ZBTB34: variants seen among roughly 807,000 people sequenced by gnomAD.
ZBTB34 encodes zinc finger and BTB domain containing 34, also known as zinc finger and BTB domain-containing protein 34.
In ZBTB34, 1 loss-of-function variant was observed where a neutral mutation model predicts 33.4. The observed-to-expected ratio is 0.03, with a 90% CI of 0.01 to 0.14. The LOEUF (loss-of-function observed/expected upper bound fraction) is 0.14. Among genes scored for constraint, ZBTB34 ranks in the 10% least tolerant of loss-of-function variants. The pLI is 1.00. For missense variants in ZBTB34, 406 were observed against 657.2 expected (o/e 0.62, Z 4.18); for synonymous variants, 283 against 253.5 (o/e 1.12, Z -1.11).
At chr9:126,869,276 G>C (rs2033248182) in intron 1 of ZBTB34, among the ~76,000 whole-genome samples, 1 of 148,064 alleles carries the variant, frequency 6.8e-6, no homozygotes, top group Non-Finnish European at 1.5e-5. Flanking sequence ...CTAGGGATAA[G>C]GGGTTGTTGT....
At chr9:126,862,115 T>C (rs1017620646) in intron 1 of ZBTB34, among the ~76,000 whole-genome samples, 17 of 151,928 alleles carry the variant, frequency 1.1e-4, no homozygotes, top group African/African-American at 4.1e-4. Context: ...GGCCGAGTGG[T>C]TAGGGAGGGT....
intron 1 of ZBTB34, among the ~76,000 whole-genome samples, chr9:126,869,423 C>T (rs1447369542): frequency 1.3e-5 from 2 of 152,072 alleles, no homozygotes; most frequent in Non-Finnish European, 2.9e-5. Context: ...AGACATACTG[C>T]GTCCTAAGCC....
chr9:126,880,104 C>G lies in ZBTB34; in HGVS notation c.705C>G (p.Ile235Met), dbSNP rs746507308. The G allele has an allele frequency of 6.2e-7, 1 of 1,613,612 alleles. No individual in the cohort carries two copies. Among genetic ancestry groups the G allele is most frequent in the Non-Finnish European group, 8.5e-7 (1 of 1,179,908 alleles). The change falls in exon 2 of 2, where the codon ATC becomes ATG. Residue 235 changes from isoleucine to methionine, a missense_variant. By Grantham distance (10) the Ile-to-Met change is conservative (BLOSUM62 1). Around this residue, in one of 6 missense-constraint regions of ZBTB34, gnomAD observed 137 missense variants for 173.0 expected, o/e 0.79. Transcript: ENST00000319119. The surrounding 1 kb of genome is among the most constrained non-coding windows in gnomAD (Gnocchi z 6.7). ...ACCTATTGGTGAGGGAGAGCCAGATCACCGAGGTGAAAGTGAAGATGGAGA... is the reference window on the plus strand; with the variant it reads ...ACCTATTGGTGAGGGAGAGCCAGATGACCGAGGTGAAAGTGAAGATGGAGA...
intron 1 of ZBTB34, among the ~76,000 whole-genome samples, chr9:126,861,133 G>A (rs1159146882): frequency 6.6e-6 from 1 of 152,152 alleles, no homozygotes; most frequent in Non-Finnish European, 1.5e-5. Flanking sequence ...TGTACGGGGA[G>A]GGAGGGCAGA....
At position 126,880,462 on chromosome 9, in the gene ZBTB34, G is replaced by A; in HGVS notation, c.1063G>A (p.Gly355Arg). The change falls in exon 2 of 2, where the codon GGG becomes AGG. Residue 355 changes from glycine to arginine, a missense_variant. By Grantham distance (125) the Gly-to-Arg change is moderately radical. Coordinates refer to ENST00000319119, the Ensembl canonical transcript of ZBTB34. The surrounding 1 kb of genome is among the most constrained non-coding windows in gnomAD (Gnocchi z 6.7). ...CAGTGAAGCCATGATGAACAACCCC[G>A]GGTATGAGAGCAGTCCCCGGGAGAG... The A allele has an allele frequency of 1.9e-6, 3 of 1,613,708 alleles. No homozygotes were observed. The highest frequency in any genetic ancestry group is 1.3e-5 in the African/African-American group (1 of 75,052).
At chr9:126,864,450 A>C (rs769824419) in intron 1 of ZBTB34, among the ~76,000 whole-genome samples, 6 of 152,150 alleles carry the variant, frequency 3.9e-5, no homozygotes. Context: ...GCATTGACTA[A>C]AAGACAAATC....
chr9:126,865,918 G>A (rs2033194159), intron 1 of ZBTB34, among the ~76,000 whole-genome samples: 1 of 152,182 alleles, frequency 6.6e-6, no homozygotes, highest in Non-Finnish European at 1.5e-5. Flanking sequence ...CTGGGTGGCG[G>A]AGGTTACAGT....
intron 1 of ZBTB34, among the ~76,000 whole-genome samples, chr9:126,878,249 C>T (rs1564225215): frequency 6.6e-6 from 1 of 151,828 alleles, no homozygotes; most frequent in Non-Finnish European, 1.5e-5. Context: ...GGGAGCAGAT[C>T]ACCTGAGGTC....
chr9:126,861,292 C>G (rs532087650), intron 1 of ZBTB34, among the ~76,000 whole-genome samples: 1 of 152,146 alleles, frequency 6.6e-6, no homozygotes, highest in South Asian at 2.1e-4. Flanking sequence ...CGTGGCCACT[C>G]GCGCTCAGTT....
At chr9:126,875,081 A>G (rs2033337506) in intron 1 of ZBTB34, among the ~76,000 whole-genome samples, 1 of 152,208 alleles carries the variant, frequency 6.6e-6, no homozygotes, top group Non-Finnish European at 1.5e-5. Flanking sequence ...TTTGGTGGCC[A>G]CTGACCACAG....
At chr9:126,874,297 G>T (rs1475040701) in intron 1 of ZBTB34, among the ~76,000 whole-genome samples, 1 of 150,832 alleles carries the variant, frequency 6.6e-6, no homozygotes, top group Admixed American at 6.6e-5. Context: ...TGATCTGCCC[G>T]CCCCGGCCTC....
At chr9:126,884,119 A>T (rs2033485907) in exon 2 of ZBTB34, 1 of 167,028 alleles carries the variant, frequency 6.0e-6, no homozygotes, top group Admixed American at 6.5e-5. Context: ...ACAGTAAAAT[A>T]TATCCTGAAT....
intron 1 of ZBTB34, among the ~76,000 whole-genome samples, chr9:126,872,380 C>T (rs1382474079): frequency 6.6e-6 from 1 of 152,192 alleles, no homozygotes; most frequent in Non-Finnish European, 1.5e-5. Context: ...TGCCACTCTA[C>T]TCCAGCCTGG....
At chr9:126,876,568 A>G (rs1401121625) in intron 1 of ZBTB34, among the ~76,000 whole-genome samples, 2 of 152,038 alleles carry the variant, frequency 1.3e-5, no homozygotes, top group Non-Finnish European at 2.9e-5. Context: ...ATTTGCTAGC[A>G]TTTCTGTTAG....
chr9:126,875,921 A>G (rs1333088961), intron 1 of ZBTB34, among the ~76,000 whole-genome samples: 1 of 151,968 alleles, frequency 6.6e-6, no homozygotes, highest in African/African-American at 2.4e-5. Context: ...GGGAACACTC[A>G]TTCTTGGGAA....
chr9:126,882,638 A>G (rs1564227748), exon 2 of ZBTB34: 1 of 167,108 alleles, frequency 6.0e-6, no homozygotes, highest in Non-Finnish European at 1.5e-5. Flanking sequence ...ACGCACAACC[A>G]GTGCACCTCC....
At chr9:126,878,117 C>T (rs1275672909) in intron 1 of ZBTB34, among the ~76,000 whole-genome samples, 1 of 151,648 alleles carries the variant, frequency 6.6e-6, no homozygotes, top group Non-Finnish European at 1.5e-5. Flanking sequence ...GGGAGGATCA[C>T]GAGCTCAGGA....
At chr9:126,883,017 C>G (rs2033465509) in exon 2 of ZBTB34, 1 of 166,902 alleles carries the variant, frequency 6.0e-6, no homozygotes. Context: ...ATGCCTTTTT[C>G]CTCGTCAAAC....
chr9:126,863,459 G>A (rs2119204266), intron 1 of ZBTB34, among the ~76,000 whole-genome samples: 1 of 152,244 alleles, frequency 6.6e-6, no homozygotes, highest in East Asian at 1.9e-4. Context: ...CCTTCCATTT[G>A]AAGCACTTGT....
Sources: gnomAD v4.1 joint callset for allele counts (sites outside exome capture counted in the v4.1 genomes callset) on GRCh38, gnomAD v4.1.1 for gene constraint, gnomAD v4.1.1 regional missense constraint, Gnocchi (gnomAD v3.1) non-coding constraint, MANE v1.5 for transcripts, NCBI Gene and HGNC (gene_info 2026-07-23, HGNC 2026-07-21) for gene names.